The following ARFIP1 variants were observed in gnomAD, a reference collection of about 807,000 sequenced individuals.
ARFIP1 encodes arfaptin-1.
Under a neutral mutation model 42.5 loss-of-function variants are expected in ARFIP1, and 24 were observed. That is an observed-to-expected ratio of 0.57 (90% CI 0.41 to 0.80). The LOEUF (loss-of-function observed/expected upper bound fraction) is 0.80, where lower values mean the gene tolerates loss of function less well. Ranked by LOEUF, ARFIP1 falls within the 30% of genes least tolerant of loss-of-function variation. The pLI is 0.00. For missense variants in ARFIP1, 354 were observed against 434.0 expected, an observed-to-expected ratio of 0.82 and a Z score of 1.64; for synonymous variants, 141 against 153.7, an observed-to-expected ratio of 0.92 and a Z score of 0.61.
At chr4:152,882,583 A>G in intron 6 of ARFIP1, 140 bp from the exon 7 acceptor site, 1 of 910,906 alleles carries the variant, frequency 1.1e-6, no homozygotes, top group Non-Finnish European at 1.6e-6. Flanking sequence ...CGATTCTTAA[A>G]GACGGAAAGG....
intron 5 of ARFIP1, among the ~76,000 whole-genome samples, chr4:152,876,816 C>T (rs1030377073): frequency 2.0e-5 from 3 of 152,316 alleles, no homozygotes; most frequent in East Asian, 1.9e-4. Flanking sequence ...GTGTCCTAGC[C>T]GCTCCAGCCA....
Position 152,910,402 on chromosome 4 carries a change from T to A in ARFIP1, c.*183T>A. On this transcript the variant is annotated 3_prime_UTR_variant, in exon 9 of 9. Transcript: ENST00000353617. ...TGAACTGTTAAGGGTGGTTTTAATG[T>A]AAACATAGTTTCTATAATCTGAACA... 1 of 627,824 alleles carries A rather than the reference T, an allele frequency of 1.6e-6. No individual in the cohort carries two copies. Among genetic ancestry groups the A allele is most frequent in the Non-Finnish European group, 2.5e-6 (1 of 396,248 alleles). The allele number at this position is 627,824 out of a possible 1,614,324, so 38.9% of individuals were successfully genotyped here.
At chr4:152,835,990 AG>A (rs1432333351) in intron 2 of ARFIP1, among the ~76,000 whole-genome samples, 4 of 152,162 alleles carry the variant, frequency 2.6e-5, no homozygotes, top group Non-Finnish European at 5.9e-5. Flanking sequence ...CTCATCACCA[AG>A]GGGATGGTCC....
chr4:152,876,083 T>C (rs1735307121), intron 5 of ARFIP1, among the ~76,000 whole-genome samples: 1 of 152,186 alleles, frequency 6.6e-6, no homozygotes, highest in Non-Finnish European at 1.5e-5. Flanking sequence ...GGTCTGTCTT[T>C]ATCAGCAGTG....
At chr4:152,892,185 G>T (rs1455576419) in intron 8 of ARFIP1, among the ~76,000 whole-genome samples, 2 of 152,188 alleles carry the variant, frequency 1.3e-5, no homozygotes, top group Admixed American at 1.3e-4. Context: ...GGGACTACAG[G>T]CGCATGCCAC....
intron 2 of ARFIP1, among the ~76,000 whole-genome samples, chr4:152,851,883 CTA>C (rs1166900753): frequency 5.9e-5 from 9 of 152,164 alleles, no homozygotes; most frequent in Non-Finnish European, 1.2e-4. Flanking sequence ...ATAGTAACCT[CTA>C]TTAAAATATG....
At chr4:152,855,798 C>G (rs1038210969) in intron 2 of ARFIP1, among the ~76,000 whole-genome samples, 1 of 152,182 alleles carries the variant, frequency 6.6e-6, no homozygotes, top group Non-Finnish European at 1.5e-5. Flanking sequence ...TTGCAAGAGT[C>G]CACAGTGGGA....
At chr4:152,833,048 C>T (rs567372793) in intron 2 of ARFIP1, among the ~76,000 whole-genome samples, 7 of 152,044 alleles carry the variant, frequency 4.6e-5, no homozygotes, top group Admixed American at 2.0e-4. Flanking sequence ...AGTGGGACTA[C>T]GTCAAACTAA....
At chr4:152,909,303 T>G (rs1738646640) in intron 8 of ARFIP1, among the ~76,000 whole-genome samples, 1 of 152,164 alleles carries the variant, frequency 6.6e-6, no homozygotes, top group South Asian at 2.1e-4. Context: ...GAGAATCACT[T>G]GAACCCTGGA....
chr4:152,877,892 C>T (rs1735501480), intron 5 of ARFIP1, among the ~76,000 whole-genome samples: 1 of 152,178 alleles, frequency 6.6e-6, no homozygotes, highest in Admixed American at 6.5e-5. Flanking sequence ...TTGCCTCCCG[C>T]TATGATTCTG....
chr4:152,821,802 T>G (rs1297952876), intron 1 of ARFIP1, among the ~76,000 whole-genome samples: 2 of 152,158 alleles, frequency 1.3e-5, no homozygotes, highest in Non-Finnish European at 2.9e-5. Flanking sequence ...AGCAGAAACC[T>G]TATAAGCCAG....
intron 1 of ARFIP1, among the ~76,000 whole-genome samples, chr4:152,800,736 A>T (rs1244871786): frequency 2.6e-5 from 4 of 152,186 alleles, no homozygotes; most frequent in Non-Finnish European, 1.5e-5. Flanking sequence ...TAACTCAGAC[A>T]TCTAAAAAGT....
intron 8 of ARFIP1, among the ~76,000 whole-genome samples, chr4:152,897,070 G>A (rs938009872): frequency 1.3e-5 from 2 of 152,180 alleles, no homozygotes; most frequent in African/African-American, 4.8e-5. Context: ...ACATGGAAGA[G>A]GAAAAATTTG....
At chr4:152,782,183 C>G (rs1369787617) in intron 1 of ARFIP1, among the ~76,000 whole-genome samples, 2 of 151,322 alleles carry the variant, frequency 1.3e-5, no homozygotes, top group Admixed American at 1.3e-4. Flanking sequence ...AAAACCACCA[C>G]TTAGGCAGTG....
At chr4:152,864,726 C>G (rs1179313460) in intron 3 of ARFIP1, among the ~76,000 whole-genome samples, 2 of 152,136 alleles carry the variant, frequency 1.3e-5, no homozygotes, top group African/African-American at 2.4e-5. Context: ...GTGAGGCACT[C>G]GTAATCATTC....
intron 2 of ARFIP1, among the ~76,000 whole-genome samples, chr4:152,856,681 G>A (rs1449019370): frequency 3.9e-5 from 6 of 152,138 alleles, no homozygotes; most frequent in African/African-American, 7.2e-5. Flanking sequence ...CCATTTGTAT[G>A]TTGTTTGTGT....
chr4:152,904,339 G>A (rs1195548950), intron 8 of ARFIP1, among the ~76,000 whole-genome samples: 3 of 151,560 alleles, frequency 2.0e-5, no homozygotes, highest in Non-Finnish European at 4.4e-5. Context: ...CTACAGGTGC[G>A]TGCCACCACG....
intron 2 of ARFIP1, among the ~76,000 whole-genome samples, 197 bp from the exon 3 acceptor site, chr4:152,863,409 A>C (rs1220844440): frequency 6.6e-6 from 1 of 152,258 alleles, no homozygotes; most frequent in Non-Finnish European, 1.5e-5. Flanking sequence ...GATGTACACA[A>C]TACCACTTAA....
At chr4:152,890,823 GAAT>G (rs1736784116) in intron 8 of ARFIP1, among the ~76,000 whole-genome samples, 1 of 152,122 alleles carries the variant, frequency 6.6e-6, no homozygotes, top group Admixed American at 6.6e-5. Flanking sequence ...ATTGCTTTAA[GAAT>G]AATGTTATTA....
Sources: allele counts gnomAD v4.1 joint callset (sites outside exome capture counted in the v4.1 genomes callset), GRCh38; gene constraint gnomAD v4.1.1; transcripts MANE v1.5; gene names NCBI Gene and HGNC (gene_info 2026-07-23, HGNC 2026-07-21).